DLGAP2: variants seen among roughly 807,000 people sequenced by gnomAD.
The protein encoded by DLGAP2 is disks large-associated protein 2.
A neutral mutation model predicts 100.3 loss-of-function variants in DLGAP2; 26 were observed. That is an observed-to-expected ratio of 0.26 (90% CI 0.19 to 0.36). The LOEUF (loss-of-function observed/expected upper bound fraction) is 0.36, where lower values mean the gene tolerates loss of function less well. DLGAP2 is among the 10% of genes least tolerant of loss of function. The pLI is 1.00. For missense variants in DLGAP2, 1,858 were observed against 1,453.2 expected (o/e 1.28, Z -4.53); for synonymous variants, 886 against 630.1 (o/e 1.41, Z -6.08).
chr8:1,589,235 C>T (rs1419587356), intron 6 of DLGAP2, among the ~76,000 whole-genome samples: 2 of 152,116 alleles, frequency 1.3e-5, no homozygotes, highest in Non-Finnish European at 2.9e-5. Context: ...CTTCTAGGCC[C>T]CCTAGCAACC....
At position 1,644,797 on chromosome 8, in the gene DLGAP2, C is replaced by T. The variant is rs529231806; in HGVS notation, c.1810+11751C>T. 2.6e-5 allele frequency among the ~76,000 whole-genome samples: 4 copies of T among 152,276 alleles called. No homozygotes were observed. In the South Asian group the frequency reaches 8.3e-4, roughly 32 times the overall value. ...CAGGAATATATTTAAAATGTATTGA[C>T]ACCATGGCTTTTACTCTAACAGGAT... On this transcript the variant is annotated intron_variant, in intron 8 of 14. Coordinates refer to ENST00000637795, the MANE Select transcript of DLGAP2 (RefSeq NM_001346810.2).
chr8:1,275,825 A>ATATAT (rs1563056247), intron 3 of DLGAP2, among the ~76,000 whole-genome samples: 1 of 57,028 alleles, frequency 1.8e-5, no homozygotes, highest in Non-Finnish European at 3.4e-5. Flanking sequence ...ATAATATATA[A>ATATAT]AAATAAATAT....
chr8:1,691,666 A>G lies in DLGAP2; in HGVS notation c.2796+40A>G, dbSNP rs756323220. ...AGTGAACCCCTGTTCCCTGTAACCAAGCTAATGGGCATCATTCCACAGATT... is the reference window on the plus strand; with the variant it reads ...AGTGAACCCCTGTTCCCTGTAACCAGGCTAATGGGCATCATTCCACAGATT... On this transcript the variant is annotated intron_variant, in intron 13 of 14. Coordinates refer to ENST00000637795, the MANE Select transcript of DLGAP2 (RefSeq NM_001346810.2). 2.0e-6 allele frequency: 3 copies of G among 1,478,812 alleles called. No homozygotes were observed. The Admixed American group carries it at 5.3e-5, about 26-fold the overall frequency. 91.6% of individuals were successfully genotyped at this position (1,478,812 alleles called of 1,614,324 possible).
chr8:800,969 C>T (rs1796140250), intron 1 of DLGAP2, among the ~76,000 whole-genome samples: 1 of 151,752 alleles, frequency 6.6e-6, no homozygotes, highest in Admixed American at 6.6e-5. Context: ...CTTCCTGGGT[C>T]CCCATCCACC....
intron 3 of DLGAP2, among the ~76,000 whole-genome samples, chr8:1,343,882 C>CT (rs536319553): frequency 1.1e-4 from 17 of 152,194 alleles, no homozygotes; most frequent in Non-Finnish European, 2.1e-4. Context: ...GCTCAGCCCT[C>CT]TCACGCTTCT....
intron 6 of DLGAP2, among the ~76,000 whole-genome samples, chr8:1,571,188 A>G (rs1310134613): frequency 7.4e-4 from 55 of 74,722 alleles, no homozygotes; most frequent in East Asian, 1.9e-3. Context: ...CTGTGGGGGC[A>G]TCTGATGAGA....
intron 2 of DLGAP2, among the ~76,000 whole-genome samples, chr8:971,678 C>A (rs1170124287): frequency 6.6e-6 from 1 of 152,148 alleles, no homozygotes; most frequent in African/African-American, 2.4e-5. Context: ...ATACTTCTGC[C>A]AGGAATAGGG....
chr8:1,635,357 CCA>C (rs1797741888), intron 8 of DLGAP2, among the ~76,000 whole-genome samples: 1 of 152,158 alleles, frequency 6.6e-6, no homozygotes, highest in African/African-American at 2.4e-5. Flanking sequence ...CAAATTTCAT[CCA>C]AAGTTTCCTG....
intron 3 of DLGAP2, among the ~76,000 whole-genome samples, chr8:1,398,005 C>A (rs1397647942): frequency 4.8e-4 from 12 of 24,882 alleles, no homozygotes; most frequent in Non-Finnish European, 1.8e-4. Flanking sequence ...GTTTTCAGAA[C>A]CTCCTTGTCC....
intron 3 of DLGAP2, among the ~76,000 whole-genome samples, chr8:1,448,098 C>G (rs910142347): frequency 3.3e-5 from 5 of 152,110 alleles, no homozygotes; most frequent in African/African-American, 9.7e-5. Context: ...CAGTTCTGCT[C>G]TGATTTTAGT....
intron 3 of DLGAP2, among the ~76,000 whole-genome samples, chr8:1,327,871 C>T (rs1801058359): frequency 6.6e-6 from 1 of 152,070 alleles, no homozygotes; most frequent in South Asian, 2.1e-4. Context: ...AAATGACGTG[C>T]TTGTAAATGA....
intron 3 of DLGAP2, among the ~76,000 whole-genome samples, chr8:1,392,931 A>G (rs1268396901): frequency 8.0e-6 from 1 of 124,586 alleles, no homozygotes; most frequent in African/African-American, 3.1e-5. Flanking sequence ...TTTTTTTACA[A>G]CTATTCCCCC....
intron 3 of DLGAP2, among the ~76,000 whole-genome samples, chr8:1,358,081 G>T (rs193013331): frequency 2.0e-5 from 3 of 152,296 alleles, no homozygotes; most frequent in Admixed American, 2.0e-4. Context: ...GCGTCAGAAC[G>T]CAGCCCCCTC....
At chr8:1,215,030 A>G (rs748105691) in intron 2 of DLGAP2, among the ~76,000 whole-genome samples, 26 of 152,182 alleles carry the variant, frequency 1.7e-4, no homozygotes, top group Non-Finnish European at 3.5e-4. Flanking sequence ...TCTAAGTCTC[A>G]TGGAAATAGT....
At chr8:1,494,139 T>TGTCC (rs1015438111) in intron 3 of DLGAP2, among the ~76,000 whole-genome samples, 15 of 152,220 alleles carry the variant, frequency 9.9e-5, no homozygotes, top group African/African-American at 3.4e-4. Flanking sequence ...AAGTGGGTCA[T>TGTCC]GTCCTTCTCT....
At chr8:1,638,476 G>A (rs1355087397) in intron 8 of DLGAP2, among the ~76,000 whole-genome samples, 2 of 152,108 alleles carry the variant, frequency 1.3e-5, no homozygotes, top group African/African-American at 2.4e-5. Flanking sequence ...GCTCTGTTAC[G>A]GCAGCACGGG....
intron 3 of DLGAP2, among the ~76,000 whole-genome samples, chr8:1,496,268 G>A (rs73538539): frequency 0.011 from 1,666 of 152,176 alleles, 32 homozygotes; most frequent in African/African-American, 0.038. Context: ...CTCTACATGA[G>A]ACATTGCGGT....
intron 1 of DLGAP2, among the ~76,000 whole-genome samples, chr8:838,629 G>A (rs1419416298): frequency 6.6e-6 from 1 of 152,066 alleles, no homozygotes; most frequent in African/African-American, 2.4e-5. Flanking sequence ...CAAAAAAAGG[G>A]AAAAGCTCTT....
chr8:1,021,975 C>T (rs1277478780), intron 2 of DLGAP2, among the ~76,000 whole-genome samples: 1 of 152,200 alleles, frequency 6.6e-6, no homozygotes, highest in Admixed American at 6.5e-5. Context: ...CTGAGACCAT[C>T]ATGGCCAAGT....
Sources: gnomAD v4.1 joint callset for allele counts (sites outside exome capture counted in the v4.1 genomes callset) on GRCh38, gnomAD v4.1.1 for gene constraint, MANE v1.5 for transcripts, NCBI Gene and HGNC (gene_info 2026-07-23, HGNC 2026-07-21) for gene names.